RTN1: variants seen among roughly 807,000 people sequenced by gnomAD.
RTN1 encodes reticulon 1.
In RTN1, 25 loss-of-function variants were observed where a neutral mutation model predicts 65.5. That is an observed-to-expected ratio of 0.38 (90% CI 0.28 to 0.53). The LOEUF (loss-of-function observed/expected upper bound fraction) is 0.53, where lower values mean the gene tolerates loss of function less well. Ranked by LOEUF, RTN1 falls within the 20% of genes least tolerant of loss-of-function variation. RTN1 has a pLI of 0.79. For synonymous variants in RTN1, 471 were observed against 447.6 expected (o/e 1.05, Z -0.66); for missense variants, 983 against 1,025.4 (o/e 0.96, Z 0.57).
At position 59,849,610 on chromosome 14, in the gene RTN1, G is replaced by C. The variant is rs1332745624; in HGVS notation, c.241+20780C>G. On this transcript the variant is annotated intron_variant, in intron 1 of 8. Coordinates refer to ENST00000267484, the MANE Select transcript of RTN1 (RefSeq NM_021136.3). The surrounding 1 kb of genome is among the most constrained non-coding windows in gnomAD (Gnocchi z 4.5). ...CCACTGATTGATTTCATTCAGCTGG[G>C]GGTGAGAAAGCTTTGGGTGGCCCTG... Among the ~76,000 whole-genome samples, 1 of 152,120 alleles carries C rather than the reference G, an allele frequency of 6.6e-6. No homozygotes were observed. The highest frequency in any genetic ancestry group is 1.5e-5 in the Non-Finnish European group (1 of 68,022).
chr14:59,868,457 C>T lies in RTN1; in HGVS notation c.241+1933G>A, dbSNP rs747752324. Among the ~76,000 whole-genome samples, 3 of 152,098 alleles carry T rather than the reference C, an allele frequency of 2.0e-5. No homozygotes were observed. Among genetic ancestry groups the T allele is most frequent in the Admixed American group, 6.5e-5 (1 of 15,272 alleles). On this transcript the variant is annotated intron_variant, in intron 1 of 8. Transcript: ENST00000267484. This position sits in a 1 kb window ranked among gnomAD's most constrained non-coding sequence, Gnocchi z 4.0. ...GCAAGGTATTTCTATAATAATAATA[C>T]TAAAAATGCAAAATGCATTGTTATT...
chr14:59,672,235 C>T (rs1883521835), intron 3 of RTN1, among the ~76,000 whole-genome samples: 2 of 152,120 alleles, frequency 1.3e-5, no homozygotes, highest in Non-Finnish European at 2.9e-5. Flanking sequence ...TGTAAATAGC[C>T]AGCAATTATG....
chr14:59,789,146 C>A (rs989520770), intron 1 of RTN1, among the ~76,000 whole-genome samples: 3 of 151,848 alleles, frequency 2.0e-5, no homozygotes, highest in African/African-American at 7.3e-5. Flanking sequence ...AATCATTCAT[C>A]TTACCATATT....
chr14:59,635,538 G>A (rs1237079276), intron 3 of RTN1, among the ~76,000 whole-genome samples: 3 of 152,162 alleles, frequency 2.0e-5, no homozygotes, highest in Non-Finnish European at 4.4e-5. Context: ...GGAAGGGAGT[G>A]GGAAGAGTAA....
chr14:59,637,851 C>A (rs937856322), intron 3 of RTN1, among the ~76,000 whole-genome samples: 7 of 151,708 alleles, frequency 4.6e-5, no homozygotes, highest in Admixed American at 3.9e-4. Context: ...CAGCTATAGA[C>A]TTACAATTTT....
At chr14:59,672,149 T>C (rs2140215407) in intron 3 of RTN1, among the ~76,000 whole-genome samples, 1 of 152,250 alleles carries the variant, frequency 6.6e-6, no homozygotes, top group East Asian at 1.9e-4. Context: ...TCAGCCTTAC[T>C]ACTTTAGATG....
At chr14:59,650,425 A>G (rs1882998282) in intron 3 of RTN1, among the ~76,000 whole-genome samples, 2 of 152,248 alleles carry the variant, frequency 1.3e-5, no homozygotes, top group South Asian at 4.1e-4. Flanking sequence ...ACTAAAAAAT[A>G]AAATAAAATG....
intron 3 of RTN1, among the ~76,000 whole-genome samples, chr14:59,704,313 A>G (rs1477724109): frequency 6.6e-6 from 1 of 152,170 alleles, no homozygotes; most frequent in Non-Finnish European, 1.5e-5. Context: ...TCAAAAATTG[A>G]CTAAGAAGAT....
chr14:59,824,674 G>C (rs1269243626), intron 1 of RTN1, among the ~76,000 whole-genome samples: 4 of 152,186 alleles, frequency 2.6e-5, no homozygotes, highest in African/African-American at 9.6e-5. Flanking sequence ...TTTTATTCAA[G>C]AGGTCGCTGG....
chr14:59,696,107 G>T (rs1338044251), intron 3 of RTN1, among the ~76,000 whole-genome samples: 2 of 152,098 alleles, frequency 1.3e-5, no homozygotes, highest in East Asian at 3.8e-4. Flanking sequence ...CAACTATTCG[G>T]CTAAGTTTCC....
At chr14:59,698,698 C>G (rs1884114966) in intron 3 of RTN1, among the ~76,000 whole-genome samples, 1 of 152,156 alleles carries the variant, frequency 6.6e-6, no homozygotes, top group Non-Finnish European at 1.5e-5. Context: ...ACTGTAAGTC[C>G]AAGTAAACAT....
chr14:59,797,943 G>A, intron 1 of RTN1, among the ~76,000 whole-genome samples: 1 of 152,058 alleles, frequency 6.6e-6, no homozygotes, highest in East Asian at 1.9e-4. Context: ...CACTGCCATT[G>A]GTCCTTTATA....
At chr14:59,684,636 C>T (rs1210838564) in intron 3 of RTN1, among the ~76,000 whole-genome samples, 3 of 151,944 alleles carry the variant, frequency 2.0e-5, no homozygotes, top group Non-Finnish European at 4.4e-5. Flanking sequence ...ACTACAATTT[C>T]TTATGTTTTA....
intron 1 of RTN1, among the ~76,000 whole-genome samples, chr14:59,854,270 A>C (rs1887562829): frequency 6.6e-6 from 1 of 152,122 alleles, no homozygotes; most frequent in African/African-American, 2.4e-5. Context: ...ATTCAGATTT[A>C]TGCTCACTGT....
chr14:59,759,103 C>G (rs1046283568), intron 1 of RTN1, among the ~76,000 whole-genome samples: 6 of 152,094 alleles, frequency 3.9e-5, no homozygotes, highest in African/African-American at 1.4e-4. Context: ...CCTGATTCAT[C>G]TTTTTGGTCA....
intron 3 of RTN1, among the ~76,000 whole-genome samples, chr14:59,629,195 T>C (rs1358969760): frequency 2.2e-4 from 33 of 152,384 alleles, no homozygotes; most frequent in African/African-American, 7.7e-4. Flanking sequence ...ATCGATTTAC[T>C]TTTGACAACG....
chr14:59,870,358 C>T lies in RTN1; in HGVS notation c.241+32G>A. 1 of 1,469,634 alleles carries T rather than the reference C, an allele frequency of 6.8e-7. No individual in the cohort carries two copies. Among genetic ancestry groups the T allele is most frequent in the Middle Eastern group, 1.9e-4 (1 of 5,270 alleles). The allele number at this position is 1,469,634 out of a possible 1,614,324, so 91.0% of individuals were successfully genotyped here. On this transcript the variant is annotated intron_variant, in intron 1 of 8. Transcript: ENST00000267484. The surrounding 1 kb of genome is among the most constrained non-coding windows in gnomAD (Gnocchi z 5.1). ...CTGACTGGGGGGCCCTGGTCCCCGA[C>T]GCCATTTGAGGGGCAGCGGCGCCCG...
intron 1 of RTN1, among the ~76,000 whole-genome samples, chr14:59,746,949 G>A (rs1184281197): frequency 6.6e-6 from 1 of 152,130 alleles, no homozygotes; most frequent in Non-Finnish European, 1.5e-5. Context: ...TTCAATGGCT[G>A]GGAGGAGCCT....
intron 3 of RTN1, among the ~76,000 whole-genome samples, chr14:59,687,590 G>T (rs752669142): frequency 6.6e-6 from 1 of 152,090 alleles, no homozygotes; most frequent in Non-Finnish European, 1.5e-5. Flanking sequence ...TGGAGCTTCT[G>T]CTCACCTAGT....
Sources: gnomAD v4.1 joint callset for allele counts (sites outside exome capture counted in the v4.1 genomes callset) on GRCh38, gnomAD v4.1.1 for gene constraint, Gnocchi (gnomAD v3.1) non-coding constraint, MANE v1.5 for transcripts, NCBI Gene and HGNC (gene_info 2026-07-23, HGNC 2026-07-21) for gene names.